ARMC2: variants seen among roughly 807,000 people sequenced by gnomAD.
ARMC2 encodes armadillo repeat-containing protein 2.
Under a neutral mutation model 90.3 loss-of-function variants are expected in ARMC2, and 67 were observed. The ratio of observed to expected loss-of-function variants is 0.74; its 90% CI spans 0.61 to 0.91. The LOEUF is 0.91. Among genes scored for constraint, ARMC2 ranks in the 40% least tolerant of loss-of-function variants. The probability of loss-of-function intolerance (pLI) is 0.00; values close to 1 mark genes in which losing one functional copy is unlikely to be tolerated. For missense variants in ARMC2, 920 were observed against 1,030.9 expected (o/e 0.89, Z 1.47); for synonymous variants, 393 against 393.0 (o/e 1.00, Z 0.00).
chr6:108,988,473 T>C, the ARMC2 span: 3 of 1,359,492 alleles, frequency 2.2e-6, no homozygotes, highest in Middle Eastern at 1.9e-4. Flanking sequence ...TTCAGCACCA[T>C]TAGGTTAGGT....
intron 2 of ARMC2, 75 bp from the exon 3 acceptor site, chr6:108,858,124 G>T: frequency 1.7e-6 from 2 of 1,176,642 alleles, no homozygotes; most frequent in Non-Finnish European, 1.2e-6. Context: ...TTTTTAGCTA[G>T]GGTTAACTAA....
chr6:108,866,016 TA>T (rs910550188), intron 3 of ARMC2, among the ~76,000 whole-genome samples: 428 of 118,616 alleles, frequency 3.6e-3, no homozygotes, highest in Admixed American at 6.1e-3. Flanking sequence ...GACCCTGTCT[TA>T]AAAAAAAAAA....
chr6:109,033,588 T>C, the ARMC2 span, among the ~76,000 whole-genome samples: 2 of 152,282 alleles, frequency 1.3e-5, no homozygotes, highest in East Asian at 1.9e-4. Flanking sequence ...ATCTGAACTT[T>C]GTAAAAATGA....
At chr6:108,859,212 T>C (rs1230238503) in intron 3 of ARMC2, among the ~76,000 whole-genome samples, 7 of 152,162 alleles carry the variant, frequency 4.6e-5, no homozygotes, top group Non-Finnish European at 8.8e-5. Context: ...CATGAGGCAT[T>C]CTATGGATTT....
rs7738524 is a variant in ARMC2 at position 108,932,774 on chromosome 6, C to T, written c.1497-4126C>T. On this transcript the variant is annotated intron_variant, in intron 11 of 17. Coordinates refer to ENST00000392644, the MANE Select transcript of ARMC2 (RefSeq NM_032131.6). ...CGATCTCCTGACCTCGTGATCTGCCCGCCTCGGCCTCCCAAAGTGCTGGGA... is the reference window on the plus strand; with the variant it reads ...CGATCTCCTGACCTCGTGATCTGCCTGCCTCGGCCTCCCAAAGTGCTGGGA... 7.9e-3 allele frequency among the ~76,000 whole-genome samples: 1,195 copies of T among 151,520 alleles called. 34 individuals carry two copies. The highest frequency in any genetic ancestry group is 0.028 in the African/African-American group (1,165 of 41,040).
chr6:109,009,047 T>G, the ARMC2 span: 1 of 972,872 alleles, frequency 1.0e-6, no homozygotes, highest in Non-Finnish European at 1.3e-6. Context: ...CAGACGACAA[T>G]GTTATTTACG....
At chr6:108,959,812 A>G (rs1777860244) in intron 13 of ARMC2, among the ~76,000 whole-genome samples, 1 of 151,758 alleles carries the variant, frequency 6.6e-6, no homozygotes, top group Admixed American at 6.6e-5. Flanking sequence ...CAGCCTCCCA[A>G]GTAGCTGAGA....
the ARMC2 span, among the ~76,000 whole-genome samples, chr6:109,022,182 ACTGAGGAATGAAGAATG>A: frequency 6.6e-6 from 1 of 152,000 alleles, no homozygotes; most frequent in African/African-American, 2.4e-5. Context: ...GGGCACCTGG[ACTGAGGAATGAAGAATG>A]CCTTAAGCTA....
At chr6:108,993,919 A>G in the ARMC2 span, among the ~76,000 whole-genome samples, 1 of 151,924 alleles carries the variant, frequency 6.6e-6, no homozygotes, top group Non-Finnish European at 1.5e-5. Flanking sequence ...TCTTGGGACT[A>G]TTTCCTCATA....
intron 11 of ARMC2, among the ~76,000 whole-genome samples, chr6:108,929,666 G>A (rs765235162): frequency 3.9e-5 from 6 of 152,046 alleles, no homozygotes; most frequent in Non-Finnish European, 8.8e-5. Context: ...TATTATTTGT[G>A]GAAACGAAGT....
At chr6:108,972,868 G>A (rs1254072593) in intron 17 of ARMC2, among the ~76,000 whole-genome samples, 1 of 148,448 alleles carries the variant, frequency 6.7e-6, no homozygotes, top group Non-Finnish European at 1.5e-5. Flanking sequence ...AGCTGTCACT[G>A]TGTTGCCCAA....
intron 17 of ARMC2, among the ~76,000 whole-genome samples, chr6:108,972,584 G>T (rs981506070): frequency 6.6e-6 from 1 of 152,124 alleles, no homozygotes; most frequent in Non-Finnish European, 1.5e-5. Context: ...TTTATTCTGA[G>T]AAATTGTGAT....
At chr6:108,988,879 G>A in the ARMC2 span, among the ~76,000 whole-genome samples, 1 of 152,134 alleles carries the variant, frequency 6.6e-6, no homozygotes, top group Non-Finnish European at 1.5e-5. Flanking sequence ...AGAGTACTTA[G>A]GGAGACTAAC....
Position 108,868,952 on chromosome 6 carries a change from C to A in ARMC2, c.420C>A (p.Ser140=). The part of the protein sequence containing the change: ...NARARLFRAA[S]QRALLPDRSL... ...GGGCTCGCTTATTCAGGGCTGCCTC[C>A]CAGCGGGCCCTTCTGCCGGACAGAT... The change falls in exon 4 of 18, where the codon TCC becomes TCA. Residue 140 remains serine (S), a synonymous_variant. Coordinates refer to ENST00000392644, the MANE Select transcript of ARMC2 (RefSeq NM_032131.6). 6.2e-7 allele frequency: 1 copy of A among 1,613,794 alleles called. No individual in the cohort carries two copies. The highest frequency in any genetic ancestry group is 2.2e-5 in the East Asian group (1 of 44,874).
intron 17 of ARMC2, among the ~76,000 whole-genome samples, chr6:108,965,513 A>G (rs1218872150): frequency 6.6e-6 from 1 of 152,180 alleles, no homozygotes; most frequent in African/African-American, 2.4e-5. Context: ...ATGCTTTTAA[A>G]TGAAGCTATA....
At chr6:108,861,056 A>G (rs1422151548) in intron 3 of ARMC2, among the ~76,000 whole-genome samples, 1 of 152,206 alleles carries the variant, frequency 6.6e-6, no homozygotes, top group Non-Finnish European at 1.5e-5. Flanking sequence ...TCTTTAGAGA[A>G]TAAACCCATC....
intron 10 of ARMC2, among the ~76,000 whole-genome samples, chr6:108,913,362 G>A (rs558837560): frequency 3.3e-5 from 5 of 152,284 alleles, no homozygotes; most frequent in African/African-American, 1.2e-4. Flanking sequence ...CCTTCAAGAT[G>A]CTTAAAATAT....
intron 4 of ARMC2, among the ~76,000 whole-genome samples, chr6:108,869,245 T>C (rs1776140311): frequency 6.6e-6 from 1 of 152,204 alleles, no homozygotes; most frequent in Admixed American, 6.5e-5. Flanking sequence ...CGGTGGCTCA[T>C]GCCTGTAATC....
At chr6:108,919,004 T>C (rs1233587072) in intron 10 of ARMC2, among the ~76,000 whole-genome samples, 3 of 152,214 alleles carry the variant, frequency 2.0e-5, no homozygotes, top group Non-Finnish European at 4.4e-5. Flanking sequence ...ATAAGCAATG[T>C]AGAGAAGAGC....
Sources: allele counts gnomAD v4.1 joint callset (sites outside exome capture counted in the v4.1 genomes callset), GRCh38; gene constraint gnomAD v4.1.1; transcripts MANE v1.5; gene names NCBI Gene and HGNC (gene_info 2026-07-23, HGNC 2026-07-21).